Variants in MYO3B observed in about 807,000 individuals in gnomAD.
The protein encoded by MYO3B is myosin IIIB.
In MYO3B, 156 loss-of-function variants were observed where a neutral mutation model predicts 174.6. The ratio of observed to expected loss-of-function variants is 0.89; its 90% CI spans 0.78 to 1.02. The LOEUF (loss-of-function observed/expected upper bound fraction) is 1.02. MYO3B is among the 50% of genes least tolerant of loss of function. MYO3B has a pLI of 0.00. For missense variants in MYO3B, 1,632 were observed against 1,639.4 expected (o/e 1.00, Z 0.08); for synonymous variants, 563 against 569.1 (o/e 0.99, Z 0.15).
intron 6 of MYO3B, among the ~76,000 whole-genome samples, chr2:170,231,883 G>A (rs1461722729): frequency 1.3e-5 from 2 of 152,180 alleles, no homozygotes; most frequent in East Asian, 3.8e-4. Flanking sequence ...AGAAGGGATC[G>A]TATAGGTTAT....
chr2:170,222,539 G>A (rs1177733481), intron 6 of MYO3B, among the ~76,000 whole-genome samples: 2 of 152,096 alleles, frequency 1.3e-5, no homozygotes, highest in African/African-American at 4.8e-5. Context: ...TCCCTGGCTT[G>A]CAAGCTGCGT....
At chr2:170,383,309 C>T (rs779155519) in intron 11 of MYO3B, 120 bp downstream of exon 11, 29 of 664,374 alleles carry the variant, frequency 4.4e-5, no homozygotes, top group Non-Finnish European at 7.2e-5. Context: ...ATACTCCAAA[C>T]TGCAGATAGT....
In MYO3B at chr2:170,652,152, T is replaced by C. The variant is rs1699054662; in HGVS notation, c.3885T>C (p.Leu1295=). 6.2e-7 allele frequency: 1 copy of C among 1,613,800 alleles called. No individual in the cohort carries two copies. The highest frequency in any genetic ancestry group is 1.3e-5 in the African/African-American group (1 of 74,898). Residue 1295 remains leucine (L), a splice_region_variant and synonymous_variant, in exon 34 of 35, where the codon CTT becomes CTC. Transcript: ENST00000408978. ...GGAGCAAGAGGAAGCCAAGAAAACT[T>C]GGGTAAATATCTGTCTTCTTAGTTC... ...YQGSKRKPRK[L]GQIKVLDGED...
At chr2:170,415,085 T>A (rs568997759) in intron 22 of MYO3B, among the ~76,000 whole-genome samples, 4 of 152,350 alleles carry the variant, frequency 2.6e-5, no homozygotes, top group African/African-American at 7.2e-5. Flanking sequence ...CTTGCCTTAT[T>A]ATACTGGCTA....
At chr2:170,364,631 C>T (rs762468972) in intron 8 of MYO3B, among the ~76,000 whole-genome samples, 3 of 152,148 alleles carry the variant, frequency 2.0e-5, no homozygotes, top group Non-Finnish European at 2.9e-5. Flanking sequence ...TTTAGTTCTA[C>T]TTGTTTGTTC....
At chr2:170,530,637 A>G (rs921337589) in intron 30 of MYO3B, among the ~76,000 whole-genome samples, 3 of 152,180 alleles carry the variant, frequency 2.0e-5, no homozygotes, top group African/African-American at 7.2e-5. Flanking sequence ...ACTGACTGGC[A>G]GGAAGCACCT....
At chr2:170,620,129 A>T (rs1205912634) in intron 32 of MYO3B, among the ~76,000 whole-genome samples, 1 of 152,108 alleles carries the variant, frequency 6.6e-6, no homozygotes, top group Non-Finnish European at 1.5e-5. Flanking sequence ...ACTCCAAGTG[A>T]GATGATAAAT....
intron 16 of MYO3B, among the ~76,000 whole-genome samples, chr2:170,395,746 C>T (rs1000733906): frequency 2.6e-5 from 4 of 151,740 alleles, no homozygotes; most frequent in South Asian, 2.1e-4. Flanking sequence ...GAAAAACTGA[C>T]GAGATTTACA....
rs374439208 is a variant in MYO3B, at chr2:170,538,482, C to T, written c.3576-4424C>T. Among the ~76,000 whole-genome samples, 165 of 152,310 alleles carry T rather than the reference C, an allele frequency of 1.1e-3. 3 individuals are homozygous for T. In the South Asian group the frequency reaches 0.03, roughly 28 times the overall value. ...ACTTCACCTAGTGCCACCGGCGCAG[C>T]GTGACAGAGCCAGCTGGCCTCATGG... On this transcript the variant is annotated intron_variant, in intron 30 of 34. Transcript: ENST00000408978.
At chr2:170,621,134 C>G (rs1461598196) in intron 32 of MYO3B, among the ~76,000 whole-genome samples, 1 of 152,104 alleles carries the variant, frequency 6.6e-6, no homozygotes, top group Non-Finnish European at 1.5e-5. Context: ...AGCAATCCAC[C>G]CGCCTCGGCC....
chr2:170,304,817 T>A (rs972257240), intron 7 of MYO3B, among the ~76,000 whole-genome samples: 1 of 152,082 alleles, frequency 6.6e-6, no homozygotes, highest in African/African-American at 2.4e-5. Context: ...AGTAATGTAT[T>A]ATGGCTCTTA....
chr2:170,381,595 A>T (rs989788824), intron 9 of MYO3B, among the ~76,000 whole-genome samples: 3 of 152,212 alleles, frequency 2.0e-5, no homozygotes, highest in Admixed American at 6.5e-5. Context: ...TAGGTTAAAA[A>T]CTATCACAAA....
At chr2:170,282,052 G>A (rs1450469467) in intron 7 of MYO3B, among the ~76,000 whole-genome samples, 2 of 152,118 alleles carry the variant, frequency 1.3e-5, no homozygotes, top group Non-Finnish European at 2.9e-5. Flanking sequence ...CATTCAACAT[G>A]TTGTATCTTC....
At position 170,254,675 on chromosome 2, in the gene MYO3B, G is replaced by A. The variant is rs370805504; in HGVS notation, c.749+18539G>A. The stretch of plus-strand genomic sequence containing the variant: ...TCCCAGGGTGTGAGCACACCACCCA[G>A]GGATATTGAGCTGAGATCTGTGGCC... On this transcript the variant is annotated intron_variant, in intron 7 of 34. Coordinates refer to ENST00000408978, the MANE Select transcript of MYO3B (RefSeq NM_138995.5). 1.1e-3 allele frequency among the ~76,000 whole-genome samples: 172 copies of A among 152,320 alleles called. 1 individual carries two copies. The highest frequency in any genetic ancestry group is 3.8e-3 in the African/African-American group (156 of 41,586).
In MYO3B at chr2:170,373,934, G is replaced by A. The variant is rs1045444491; in HGVS notation, c.971+4557G>A. Among the ~76,000 whole-genome samples the A allele has an allele frequency of 8.5e-5, 13 of 152,166 alleles. No individual in the cohort carries two copies. The East Asian group carries it at 1.7e-3, about 20-fold the overall frequency. On this transcript the variant is annotated intron_variant, in intron 9 of 34. Transcript: ENST00000408978. ...ATTCACTATGAGGAATATGATAAAG[G>A]GTCAGTTAAAGATCGACATCATGAT...
At chr2:170,245,779 A>G (rs2093182830) in intron 7 of MYO3B, among the ~76,000 whole-genome samples, 1 of 152,234 alleles carries the variant, frequency 6.6e-6, no homozygotes, top group African/African-American at 2.4e-5. Flanking sequence ...CTGCAGCAGC[A>G]AGTCTCACCC....
chr2:170,324,260 A>G (rs1363414357), intron 7 of MYO3B, among the ~76,000 whole-genome samples: 1 of 152,062 alleles, frequency 6.6e-6, no homozygotes, highest in Non-Finnish European at 1.5e-5. Flanking sequence ...CCCTTTTTCT[A>G]CATTTTTATT....
chr2:170,550,148 A>G (rs1690785326), intron 32 of MYO3B, among the ~76,000 whole-genome samples: 1 of 152,180 alleles, frequency 6.6e-6, no homozygotes, highest in Non-Finnish European at 1.5e-5. Flanking sequence ...GGCTGAAAAC[A>G]TCTTTTCTTC....
chr2:170,537,199 T>C (rs1364315038), intron 30 of MYO3B, among the ~76,000 whole-genome samples: 5 of 27,022 alleles, frequency 1.9e-4, no homozygotes, highest in Admixed American at 2.9e-4. Context: ...AGACTCTGTC[T>C]CAAAAAAAAA....
Sources: gnomAD v4.1 joint callset for allele counts (sites outside exome capture counted in the v4.1 genomes callset) on GRCh38, gnomAD v4.1.1 for gene constraint, MANE v1.5 for transcripts, NCBI Gene and HGNC (gene_info 2026-07-23, HGNC 2026-07-21) for gene names.